Variants in PPM1L observed in about 807,000 individuals in gnomAD.
PPM1L encodes protein phosphatase 1L.
A neutral mutation model predicts 31.4 loss-of-function variants in PPM1L; 13 were observed. That is an observed-to-expected ratio of 0.41 (90% confidence interval 0.27 to 0.66). The LOEUF is 0.66. PPM1L is among the 30% of genes least tolerant of loss of function. The probability of loss-of-function intolerance (pLI) is 0.29; values close to 1 mark genes in which losing one functional copy is unlikely to be tolerated. For synonymous variants in PPM1L, 184 were observed against 175.4 expected, an observed-to-expected ratio of 1.05 and a Z score of -0.39; for missense variants, 326 against 453.7, an observed-to-expected ratio of 0.72 and a Z score of 2.56.
chr3:160,955,073 C>T (rs999867342), intron 1 of PPM1L, among the ~76,000 whole-genome samples: 1 of 151,184 alleles, frequency 6.6e-6, no homozygotes, highest in African/African-American at 2.4e-5. Context: ...TGCAATGGTG[C>T]GATCTCTGCT....
chr3:160,885,259 AG>A (rs202017757), intron 1 of PPM1L, among the ~76,000 whole-genome samples: 2,888 of 152,290 alleles, frequency 0.019, 39 homozygotes, highest in Non-Finnish European at 0.028. Context: ...CTTTTTTAAA[AG>A]CTATGAAGAA....
chr3:160,968,072 G>A (rs1390153162), intron 2 of PPM1L, among the ~76,000 whole-genome samples: 1 of 151,980 alleles, frequency 6.6e-6, no homozygotes, highest in African/African-American at 2.4e-5. Flanking sequence ...CCATCACTCA[G>A]CTTTCATAGC....
chr3:160,762,935 T>A (rs898182500), intron 1 of PPM1L, among the ~76,000 whole-genome samples: 3 of 152,222 alleles, frequency 2.0e-5, no homozygotes, highest in Non-Finnish European at 2.9e-5. Context: ...ACTGTTTTTT[T>A]AATGTTAAGT....
chr3:160,986,384 G>A (rs1411529803), intron 2 of PPM1L, among the ~76,000 whole-genome samples: 1 of 152,130 alleles, frequency 6.6e-6, no homozygotes, highest in African/African-American at 2.4e-5. Flanking sequence ...GGCAGAGACT[G>A]GCCCAGGTTT....
At chr3:160,836,316 AAGAG>A (rs113812255) in intron 1 of PPM1L, among the ~76,000 whole-genome samples, 2,663 of 147,656 alleles carry the variant, frequency 0.018, 55 homozygotes, top group African/African-American at 0.048. Flanking sequence ...GAAGGAAAGG[AAGAG>A]AGAGAGAGAG....
chr3:160,982,044 G>C (rs1716817387), intron 2 of PPM1L, among the ~76,000 whole-genome samples: 1 of 152,164 alleles, frequency 6.6e-6, no homozygotes, highest in Non-Finnish European at 1.5e-5. Context: ...GGGATTACAG[G>C]CATAAGCCAC....
At chr3:160,907,239 T>C (rs913023839) in intron 1 of PPM1L, among the ~76,000 whole-genome samples, 1 of 151,962 alleles carries the variant, frequency 6.6e-6, no homozygotes, top group Admixed American at 6.6e-5. Context: ...ACTACAAGAG[T>C]AGAACAGTAG....
intron 1 of PPM1L, among the ~76,000 whole-genome samples, chr3:160,849,598 G>C (rs1379019648): frequency 1.4e-5 from 2 of 146,828 alleles, no homozygotes; most frequent in Non-Finnish European, 3.0e-5. Flanking sequence ...TTTTTTTTTT[G>C]TATTTTTAGT....
chr3:160,790,003 A>G (rs931287595), intron 1 of PPM1L, among the ~76,000 whole-genome samples: 5 of 152,170 alleles, frequency 3.3e-5, no homozygotes, highest in Non-Finnish European at 7.4e-5. Context: ...CTAATACAGT[A>G]TAAATTATAT....
At chr3:160,797,812 C>T (rs546701121) in intron 1 of PPM1L, among the ~76,000 whole-genome samples, 1 of 152,148 alleles carries the variant, frequency 6.6e-6, no homozygotes, top group Non-Finnish European at 1.5e-5. Context: ...GGTGAGGAAG[C>T]TGCAGAAAAA....
chr3:160,946,454 T>G (rs1715413925), intron 1 of PPM1L, among the ~76,000 whole-genome samples: 1 of 152,146 alleles, frequency 6.6e-6, no homozygotes, highest in South Asian at 2.1e-4. Flanking sequence ...CATAGAAGGG[T>G]AAATCACATT....
chr3:160,982,310 C>T (rs987300477), intron 2 of PPM1L, among the ~76,000 whole-genome samples: 3 of 152,112 alleles, frequency 2.0e-5, no homozygotes, highest in African/African-American at 7.2e-5. Context: ...TAACACTGTG[C>T]CTGGGCATCT....
intron 1 of PPM1L, among the ~76,000 whole-genome samples, chr3:160,909,039 T>G (rs1394723516): frequency 6.6e-6 from 1 of 152,212 alleles, no homozygotes; most frequent in Non-Finnish European, 1.5e-5. Context: ...GGTAGAAGAT[T>G]AGGTTGCCAA....
chr3:160,768,296 C>A (rs1715163334), intron 1 of PPM1L, among the ~76,000 whole-genome samples: 1 of 152,114 alleles, frequency 6.6e-6, no homozygotes, highest in African/African-American at 2.4e-5. Context: ...CAAGGAGATT[C>A]CACATTTTCC....
intron 1 of PPM1L, among the ~76,000 whole-genome samples, chr3:160,910,698 T>A (rs1298992260): frequency 6.6e-6 from 1 of 152,208 alleles, no homozygotes; most frequent in Non-Finnish European, 1.5e-5. Flanking sequence ...TGAATCTAAT[T>A]TATTTATTTT....
chr3:160,783,912 G>C (rs189808668), intron 1 of PPM1L, among the ~76,000 whole-genome samples: 27 of 152,278 alleles, frequency 1.8e-4, no homozygotes, highest in African/African-American at 6.5e-4. Flanking sequence ...GATGGCTCTA[G>C]TAGTAAGATT....
chr3:160,792,803 C>G (rs993184194), intron 1 of PPM1L, among the ~76,000 whole-genome samples: 1 of 152,166 alleles, frequency 6.6e-6, no homozygotes, highest in Non-Finnish European at 1.5e-5. Context: ...TTTTATTATA[C>G]AGGATACAGC....
chr3:160,881,350 T>C (rs1217345935), intron 1 of PPM1L, among the ~76,000 whole-genome samples: 1 of 152,222 alleles, frequency 6.6e-6, no homozygotes, highest in Non-Finnish European at 1.5e-5. Flanking sequence ...GATGGAGAGA[T>C]GACTGAATTA....
chr3:160,857,155 A>T (rs1166064958), intron 1 of PPM1L, among the ~76,000 whole-genome samples: 1 of 152,206 alleles, frequency 6.6e-6, no homozygotes, highest in African/African-American at 2.4e-5. Context: ...TTCCAGGAAA[A>T]ATACGGAAAT....
Sources: gnomAD v4.1 joint callset for allele counts (sites outside exome capture counted in the v4.1 genomes callset) on GRCh38, gnomAD v4.1.1 for gene constraint, MANE v1.5 for transcripts, NCBI Gene and HGNC (gene_info 2026-07-23, HGNC 2026-07-21) for gene names.